The following PPP3CC variants were observed in gnomAD, a reference collection of about 807,000 sequenced individuals.
PPP3CC encodes protein phosphatase 3 catalytic subunit gamma.
PPP3CC carries 35 observed loss-of-function variants against 60.3 expected under a neutral mutation model. The ratio of observed to expected loss-of-function variants is 0.58; its 90% CI spans 0.44 to 0.77. The LOEUF (loss-of-function observed/expected upper bound fraction) is 0.77, where lower values mean the gene tolerates loss of function less well. Among genes scored for constraint, PPP3CC ranks in the 30% least tolerant of loss-of-function variants. The pLI, the probability that PPP3CC is intolerant of heterozygous loss-of-function variation, is 0.00. For missense variants in PPP3CC, 570 were observed against 628.9 expected (o/e 0.91, Z 1.00); for synonymous variants, 206 against 224.3 (o/e 0.92, Z 0.73).
intron 1 of PPP3CC, among the ~76,000 whole-genome samples, chr8:22,453,440 G>A (rs1230539331): frequency 6.6e-6 from 1 of 152,040 alleles, no homozygotes; most frequent in Non-Finnish European, 1.5e-5. Context: ...TTATCCCTTG[G>A]TATATGTGAG....
intron 3 of PPP3CC, among the ~76,000 whole-genome samples, chr8:22,480,098 T>A (rs1838016351): frequency 6.6e-6 from 1 of 151,826 alleles, no homozygotes; most frequent in Admixed American, 6.6e-5. Flanking sequence ...ATGAATCTGA[T>A]TGTGCATGTT....
chr8:22,502,974 A>G (rs1374234258), intron 4 of PPP3CC, among the ~76,000 whole-genome samples: 1 of 152,130 alleles, frequency 6.6e-6, no homozygotes, highest in African/African-American at 2.4e-5. Flanking sequence ...CCTCCTAAAT[A>G]GCTGGGACTA....
chr8:22,489,602 TGTATATAATATATAATATATAATAA>T (rs1323915770), intron 3 of PPP3CC, among the ~76,000 whole-genome samples: 2 of 142,214 alleles, frequency 1.4e-5, no homozygotes, highest in Non-Finnish European at 3.0e-5. Context: ...TATATAATAG[TGTATATAATATATAATATATAATAA>T]GTATATATTA....
chr8:22,527,580 A>G (rs1839592606), intron 9 of PPP3CC, 63 bp downstream of exon 9: 49 of 1,540,138 alleles, frequency 3.2e-5, no homozygotes, highest in Non-Finnish European at 4.2e-5. Flanking sequence ...TTATATTTGC[A>G]TGAGCCCCTC....
At chr8:22,480,483 A>T (rs4872505) in intron 3 of PPP3CC, among the ~76,000 whole-genome samples, 81,685 of 151,992 alleles carry the variant, frequency 0.54, 22,874 homozygotes, top group African/African-American at 0.7. Flanking sequence ...AATTTAATTT[A>T]ATTTTATTTT....
At chr8:22,493,399 T>C (rs1838465781) in intron 3 of PPP3CC, among the ~76,000 whole-genome samples, 1 of 152,102 alleles carries the variant, frequency 6.6e-6, no homozygotes, top group Non-Finnish European at 1.5e-5. Context: ...AGATTTTTAA[T>C]TTTTTTAACT....
chr8:22,523,736 G>C, intron 8 of PPP3CC: 1 of 445,696 alleles, frequency 2.2e-6, no homozygotes, highest in Non-Finnish European at 4.5e-6. Context: ...AAGTCATTCG[G>C]AGTCAAGACT....
At chr8:22,521,813 T>G (rs188067919) in intron 6 of PPP3CC, among the ~76,000 whole-genome samples, 3 of 152,222 alleles carry the variant, frequency 2.0e-5, no homozygotes, top group Admixed American at 2.0e-4. Context: ...AAAGAATATT[T>G]TAGGAGTATA....
At chr8:22,488,676 T>A (rs941204377) in intron 3 of PPP3CC, among the ~76,000 whole-genome samples, 3 of 152,188 alleles carry the variant, frequency 2.0e-5, no homozygotes, top group African/African-American at 7.2e-5. Context: ...TTACCATCCA[T>A]GAGAACCAAA....
chr8:22,489,601 G>A (rs1273132682), intron 3 of PPP3CC, among the ~76,000 whole-genome samples: 1 of 139,802 alleles, frequency 7.2e-6, no homozygotes, highest in African/African-American at 2.6e-5. Context: ...ATATATAATA[G>A]TGTATATAAT....
chr8:22,465,509 T>C (rs947624394), intron 1 of PPP3CC, among the ~76,000 whole-genome samples: 1 of 151,956 alleles, frequency 6.6e-6, no homozygotes, highest in Non-Finnish European at 1.5e-5. Context: ...TAATGAGAGG[T>C]GTTTAGGTCA....
chr8:22,471,001 A>G (rs189519313), intron 1 of PPP3CC, among the ~76,000 whole-genome samples: 1 of 152,312 alleles, frequency 6.6e-6, no homozygotes, highest in Admixed American at 6.5e-5. Context: ...CTAGTCATAC[A>G]TTGTCTGCCC....
At position 22,540,640 on chromosome 8, in the gene PPP3CC, C is replaced by A. The variant is rs1232108797; in HGVS notation, c.1377C>A (p.His459Gln). ...REAIRGFSLQ[H>Q]KIRSFEEARG... ...CCATCAGAGGGTTCTCGCTTCAGCA[C>A]AAGATCCGGAGTTTTGAAGAAGCGC... Residue 459 changes from histidine (H) to glutamine (Q), a missense_variant, in exon 14 of 14, where the codon CAC becomes CAA. Transcript: ENST00000240139. The A allele has an allele frequency of 2.5e-6, 4 of 1,613,718 alleles. No individual in the cohort carries two copies. The highest frequency in any genetic ancestry group is 3.4e-6 in the Non-Finnish European group (4 of 1,179,898).
At chr8:22,531,344 G>A (rs17733355) in intron 10 of PPP3CC, 140,202 of 1,521,922 alleles carry the variant, frequency 0.092, 7,057 homozygotes, top group Non-Finnish European at 0.1. Context: ...CGACTAAACT[G>A]TGCTAAGAGC....
intron 8 of PPP3CC, among the ~76,000 whole-genome samples, chr8:22,524,597 CTGTT>C (rs1839491540): frequency 1.3e-5 from 2 of 152,168 alleles, no homozygotes; most frequent in Admixed American, 1.3e-4. Context: ...ATGGTGTGGA[CTGTT>C]TGTGTTGTTA....
chr8:22,460,781 A>G (rs1230568410), intron 1 of PPP3CC, among the ~76,000 whole-genome samples: 1 of 152,192 alleles, frequency 6.6e-6, no homozygotes, highest in Non-Finnish European at 1.5e-5. Flanking sequence ...GCAGCTGCAC[A>G]CCATCCAGCC....
intron 1 of PPP3CC, among the ~76,000 whole-genome samples, chr8:22,454,150 A>G (rs980589653): frequency 1.3e-5 from 2 of 152,254 alleles, no homozygotes; most frequent in African/African-American, 4.8e-5. Flanking sequence ...ACACAAACAC[A>G]TATAGCTGTA....
chr8:22,481,613 A>G (rs975494061), intron 3 of PPP3CC, among the ~76,000 whole-genome samples: 1 of 151,566 alleles, frequency 6.6e-6, no homozygotes, highest in African/African-American at 2.4e-5. Context: ...TTACATAGGT[A>G]TACATGTGCC....
intron 1 of PPP3CC, among the ~76,000 whole-genome samples, chr8:22,466,966 G>A (rs1276276246): frequency 6.6e-6 from 1 of 152,096 alleles, no homozygotes; most frequent in Non-Finnish European, 1.5e-5. Context: ...GGCTGGTTTC[G>A]AACTCTTGGC....
Sources: gnomAD v4.1 joint callset for allele counts (sites outside exome capture counted in the v4.1 genomes callset) on GRCh38, gnomAD v4.1.1 for gene constraint, MANE v1.5 for transcripts, NCBI Gene and HGNC (gene_info 2026-07-23, HGNC 2026-07-21) for gene names.